The following DCHS2 variants were observed in gnomAD, a reference collection of about 807,000 sequenced individuals.
DCHS2 encodes protocadherin-23.
Under a neutral mutation model 182.4 loss-of-function variants are expected in DCHS2, and 142 were observed. The observed-to-expected ratio is 0.78, with a 90% confidence interval of 0.68 to 0.89. The LOEUF is 0.89. Among genes scored for constraint, DCHS2 ranks in the 40% least tolerant of loss-of-function variants. The probability of loss-of-function intolerance (pLI) is 0.00; values close to 1 mark genes in which losing one functional copy is unlikely to be tolerated. For missense variants in DCHS2, 4,319 were observed against 4,198.6 expected (o/e 1.03, Z -0.79); for synonymous variants, 1,740 against 1,663.3 (o/e 1.05, Z -1.12).
At chr4:154,434,778 T>C (rs1005849557) in intron 1 of DCHS2, among the ~76,000 whole-genome samples, 1 of 152,250 alleles carries the variant, frequency 6.6e-6, no homozygotes. Context: ...ATTTTACCTC[T>C]GTGGTCTTCT....
chr4:154,375,159 ACTT>A (rs529569091), intron 2 of DCHS2, among the ~76,000 whole-genome samples: 92 of 152,266 alleles, frequency 6.0e-4, no homozygotes, highest in African/African-American at 2.2e-3. Context: ...AAATAACAAA[ACTT>A]CTTCCCACTA....
intron 1 of DCHS2, among the ~76,000 whole-genome samples, chr4:154,423,977 G>T (rs1441892241): frequency 6.6e-6 from 1 of 152,150 alleles, no homozygotes; most frequent in Non-Finnish European, 1.5e-5. Context: ...TCTTCTTCAA[G>T]CCTGCTGGCA....
chr4:154,461,239 G>A (rs1049311934), intron 1 of DCHS2, among the ~76,000 whole-genome samples: 1 of 152,204 alleles, frequency 6.6e-6, no homozygotes, highest in East Asian at 1.9e-4. Flanking sequence ...TTGAAAACAC[G>A]TTTATCCTTT....
At chr4:154,409,203 G>A (rs938977503) in intron 1 of DCHS2, among the ~76,000 whole-genome samples, 6 of 152,104 alleles carry the variant, frequency 3.9e-5, no homozygotes, top group African/African-American at 1.4e-4. Flanking sequence ...TCCAGGGAGT[G>A]GAGTCATTAC....
chr4:154,263,674 G>A (rs1187469445), intron 14 of DCHS2, among the ~76,000 whole-genome samples: 1 of 148,244 alleles, frequency 6.7e-6, no homozygotes, highest in Non-Finnish European at 1.5e-5. Context: ...TTCCAAATCA[G>A]TGGCCATTAT....
chr4:154,343,617 TC>T lies in DCHS2; in HGVS notation c.2477-8514del, dbSNP rs768910140. ...ACCTCTGCTAGCTTCAAATTTTTTTTCTGCAGCTTCCTCATCTCTTTCAACC... is the reference window on the plus strand; with the variant it reads ...ACCTCTGCTAGCTTCAAATTTTTTTTTGCAGCTTCCTCATCTCTTTCAACC... On this transcript the variant is annotated intron_variant, in intron 3 of 19. Transcript: ENST00000357232. 1.0e-4 allele frequency: 151 copies of T among 1,510,828 alleles called. 1 individual carries two copies. In the East Asian group the frequency reaches 3.7e-3, roughly 37 times the overall value. The allele number at this position is 1,510,828 out of a possible 1,614,324, so 93.6% of individuals were successfully genotyped here. A position where few individuals can be genotyped will look rare whatever the true frequency, so the allele number is the denominator to read the frequency against.
At chr4:154,384,690 C>T (rs982717348) in intron 1 of DCHS2, among the ~76,000 whole-genome samples, 1 of 152,058 alleles carries the variant, frequency 6.6e-6, no homozygotes, top group African/African-American at 2.4e-5. Flanking sequence ...AGAGGAAGGT[C>T]TGCCCAACAG....
intron 18 of DCHS2, 72 bp downstream of exon 18, chr4:154,240,465 A>G: frequency 6.5e-7 from 1 of 1,535,034 alleles, no homozygotes; most frequent in Non-Finnish European, 8.8e-7. Context: ...TCTATCGGCG[A>G]TGGAAGACTT....
chr4:154,476,036 A>C (rs985690504), intron 1 of DCHS2, among the ~76,000 whole-genome samples: 1 of 152,190 alleles, frequency 6.6e-6, no homozygotes, highest in African/African-American at 2.4e-5. Context: ...GCATTTCTCC[A>C]AAAACAAGAG....
At chr4:154,331,584 T>G in intron 5 of DCHS2, 2 of 1,608,894 alleles carry the variant, frequency 1.2e-6, no homozygotes, top group Non-Finnish European at 1.7e-6. Flanking sequence ...AAAGGTCACC[T>G]TCTCCTAATT....
chr4:154,293,079 C>T (rs905508261), intron 13 of DCHS2, among the ~76,000 whole-genome samples: 7 of 152,202 alleles, frequency 4.6e-5, no homozygotes, highest in African/African-American at 1.4e-4. Context: ...AGCCCTCCCT[C>T]TTCCTTCACC....
At chr4:154,260,271 C>T (rs1437831767) in intron 14 of DCHS2, among the ~76,000 whole-genome samples, 1 of 152,156 alleles carries the variant, frequency 6.6e-6, no homozygotes, top group Non-Finnish European at 1.5e-5. Context: ...TTTGCAGGTT[C>T]AAATATGTAG....
chr4:154,276,084 T>C (rs1733843064), intron 13 of DCHS2, among the ~76,000 whole-genome samples: 1 of 152,154 alleles, frequency 6.6e-6, no homozygotes, highest in Non-Finnish European at 1.5e-5. Flanking sequence ...CTTGAATCCT[T>C]CTTGGCATCT....
chr4:154,295,198 A>G (rs1048240253), intron 13 of DCHS2, among the ~76,000 whole-genome samples: 20 of 152,230 alleles, frequency 1.3e-4, no homozygotes, highest in African/African-American at 4.6e-4. Context: ...TTGCAAAGAT[A>G]AAAACTGCTT....
intron 1 of DCHS2, among the ~76,000 whole-genome samples, chr4:154,442,960 A>G (rs576287302): frequency 2.0e-5 from 3 of 152,108 alleles, no homozygotes; most frequent in Non-Finnish European, 2.9e-5. Flanking sequence ...ATGCCCTGTC[A>G]TCATGAATGC....
rs1022256356 is a variant in DCHS2, at chr4:154,298,614, G to A, written c.5700C>T (p.Thr1900=). The change falls in exon 13 of 20, where the codon ACC becomes ACT. Residue 1900 remains threonine (T), a synonymous_variant. Coordinates refer to ENST00000357232, the MANE Select transcript of DCHS2 (RefSeq NM_001358235.2). ...ALDREQISNF[T]LVILCSDLGD... ...CCAGGTCAGAGCACAGAATGACAAG[G>A]GTAAAATTGCTGATTTGCTCCCGGT... 3 of 1,613,916 alleles carry A rather than the reference G, an allele frequency of 1.9e-6. No individual in the cohort carries two copies. In the African/African-American group the frequency reaches 4.0e-5, roughly 22 times the overall value.
At chr4:154,367,983 GA>G (rs1293589399) in intron 2 of DCHS2, among the ~76,000 whole-genome samples, 1 of 152,096 alleles carries the variant, frequency 6.6e-6, no homozygotes. Context: ...AAATGATGGG[GA>G]AATAATTTAG....
At chr4:154,307,466 T>G (rs919002898) in intron 10 of DCHS2, among the ~76,000 whole-genome samples, 1 of 149,818 alleles carries the variant, frequency 6.7e-6, no homozygotes, top group African/African-American at 2.5e-5. Context: ...CACACACACA[T>G]ATCTACCTTC....
chr4:154,393,101 T>C (rs548706105), intron 1 of DCHS2, among the ~76,000 whole-genome samples: 17 of 152,330 alleles, frequency 1.1e-4, no homozygotes, highest in Non-Finnish European at 1.9e-4. Flanking sequence ...GATAATAAAA[T>C]ACATTAACTT....
Sources: gnomAD v4.1 joint callset for allele counts (sites outside exome capture counted in the v4.1 genomes callset) on GRCh38, gnomAD v4.1.1 for gene constraint, MANE v1.5 for transcripts, NCBI Gene and HGNC (gene_info 2026-07-23, HGNC 2026-07-21) for gene names.